LIMS1: variants seen among roughly 807,000 people sequenced by gnomAD.
The protein encoded by LIMS1 is LIM zinc finger domain containing 1.
Under a neutral mutation model 44.1 loss-of-function variants are expected in LIMS1, and 18 were observed. That is an observed-to-expected ratio of 0.41 (90% CI 0.28 to 0.61). The LOEUF is 0.61. Ranked by LOEUF, LIMS1 falls within the 20% of genes least tolerant of loss-of-function variation. LIMS1 has a pLI of 0.32. For synonymous variants in LIMS1, 93 were observed against 149.1 expected, an observed-to-expected ratio of 0.62 and a Z score of 2.74; for missense variants, 201 against 422.0, an observed-to-expected ratio of 0.48 and a Z score of 4.59.
At chr2:108,573,397 T>C (rs562786984) in intron 1 of LIMS1, among the ~76,000 whole-genome samples, 2 of 152,230 alleles carry the variant, frequency 1.3e-5, no homozygotes, top group East Asian at 1.9e-4. Flanking sequence ...TAGCCAGTTA[T>C]TTTGGCGTAA....
chr2:108,650,113 G>A (rs1240626195), intron 1 of LIMS1, among the ~76,000 whole-genome samples: 2 of 152,142 alleles, frequency 1.3e-5, no homozygotes, highest in Non-Finnish European at 2.9e-5. Context: ...TCAAACAACA[G>A]CCTCCCACCC....
chr2:108,643,196 G>A (rs1423776530), intron 1 of LIMS1, among the ~76,000 whole-genome samples: 19 of 152,200 alleles, frequency 1.2e-4, no homozygotes, highest in Admixed American at 1.2e-3. Flanking sequence ...GAAACGCCCT[G>A]GATTTGTTGG....
chr2:108,645,337 T>A (rs909442170), intron 1 of LIMS1, among the ~76,000 whole-genome samples: 1 of 152,162 alleles, frequency 6.6e-6, no homozygotes, highest in Non-Finnish European at 1.5e-5. Flanking sequence ...GGGGCCAATA[T>A]TCAAAATTCT....
Position 108,683,539 on chromosome 2 carries a change from CAAAAAA to C in LIMS1, c.900-331_900-326del, listed in dbSNP as rs35864001. ...TGAGTGACAGTCGAGGCTCTGTTTC[CAAAAAA>C]AAAAAAAAAAAAAAGTGATTGACTG... On this transcript the variant is annotated intron_variant, in intron 9 of 9. Coordinates refer to ENST00000544547, the Ensembl canonical transcript of LIMS1. Among the ~76,000 whole-genome samples, 32 of 105,944 alleles carry C rather than the reference CAAAAAA, an allele frequency of 3.0e-4. No homozygotes were observed. In the South Asian group the frequency reaches 5.0e-3, roughly 17 times the overall value. The allele number at this position is 105,944 out of a possible 152,430, so 69.5% of individuals were successfully genotyped here.
At chr2:108,610,673 A>G (rs1443316490) in intron 1 of LIMS1, among the ~76,000 whole-genome samples, 1 of 152,106 alleles carries the variant, frequency 6.6e-6, no homozygotes, top group Non-Finnish European at 1.5e-5. Flanking sequence ...GTAGCATTCT[A>G]CATTTGTTTT....
intron 1 of LIMS1, among the ~76,000 whole-genome samples, chr2:108,562,340 A>G (rs753728257): frequency 1.3e-5 from 2 of 152,238 alleles, no homozygotes; most frequent in Non-Finnish European, 2.9e-5. Flanking sequence ...TTAGTGAGGA[A>G]GGCATGTTGA....
chr2:108,647,763 G>A (rs1056699886), intron 1 of LIMS1, among the ~76,000 whole-genome samples: 4 of 152,094 alleles, frequency 2.6e-5, no homozygotes, highest in African/African-American at 9.7e-5. Context: ...AAATTCAACA[G>A]TGCTTCATAC....
At chr2:108,678,360 CT>C (rs1692715669) in intron 8 of LIMS1, 1 of 395,468 alleles carries the variant, frequency 2.5e-6, no homozygotes, top group Non-Finnish European at 4.5e-6. Context: ...GTTTAATCTG[CT>C]ATCGTAGTTA....
intron 1 of LIMS1, among the ~76,000 whole-genome samples, chr2:108,642,381 A>T (rs1689751821): frequency 1.0e-5 from 1 of 96,738 alleles, no homozygotes; most frequent in Non-Finnish European, 1.9e-5. Context: ...TTTTTTTGAG[A>T]CGGAGTCTCG....
intron 2 of LIMS1, chr2:108,662,658 A>T: frequency 1.1e-6 from 1 of 949,462 alleles, no homozygotes; most frequent in South Asian, 3.2e-5. Flanking sequence ...AAGACTGCTA[A>T]CAAATAATCT....
Position 108,670,735 on chromosome 2 carries a change from C to T in LIMS1, c.193-46C>T, listed in dbSNP as rs541937340. ...TCTTCATCAAATAATTATATTTCTCCTGTGATTGTTTCGTGTTTGTAAGTT... is the reference window on the plus strand; with the variant it reads ...TCTTCATCAAATAATTATATTTCTCTTGTGATTGTTTCGTGTTTGTAAGTT... On this transcript the variant is annotated intron_variant, in intron 2 of 9. Transcript: ENST00000544547. 1.3e-3 allele frequency: 2,109 copies of T among 1,611,438 alleles called. 27 individuals are homozygous for T. The African/African-American group carries it at 0.025, about 19-fold the overall frequency.
intron 2 of LIMS1, among the ~76,000 whole-genome samples, chr2:108,665,649 C>T (rs917047438): frequency 2.0e-5 from 3 of 152,112 alleles, no homozygotes; most frequent in Non-Finnish European, 4.4e-5. Context: ...GCCTCAGCCT[C>T]CTCAGTAGCT....
chr2:108,654,657 A>G (rs1357883192), intron 1 of LIMS1, among the ~76,000 whole-genome samples: 4 of 152,082 alleles, frequency 2.6e-5, no homozygotes, highest in Non-Finnish European at 4.4e-5. Flanking sequence ...AAAGCCTCTT[A>G]TGCCCTCCAG....
chr2:108,675,068 A>G (rs1692438570), intron 5 of LIMS1, among the ~76,000 whole-genome samples: 1 of 152,138 alleles, frequency 6.6e-6, no homozygotes. Context: ...ACTATTTTCA[A>G]CAGCTTGTGA....
intron 1 of LIMS1, among the ~76,000 whole-genome samples, chr2:108,544,711 T>C (rs1241716130): frequency 6.6e-6 from 1 of 152,090 alleles, no homozygotes; most frequent in African/African-American, 2.4e-5. Context: ...GCCAGGCTGG[T>C]CTCAAACTCT....
chr2:108,552,492 CATATA>C (rs965464211), intron 1 of LIMS1, among the ~76,000 whole-genome samples: 3 of 144,136 alleles, frequency 2.1e-5, no homozygotes, highest in Non-Finnish European at 3.0e-5. Context: ...ATTACAGTTA[CATATA>C]ATATATAAAT....
chr2:108,602,903 G>C (rs974085401), intron 1 of LIMS1, among the ~76,000 whole-genome samples: 8 of 152,114 alleles, frequency 5.3e-5, no homozygotes, highest in Admixed American at 4.6e-4. Context: ...GCAGCTGGGA[G>C]TATAGGCATG....
At chr2:108,603,720 T>C (rs538990014) in intron 1 of LIMS1, among the ~76,000 whole-genome samples, 14 of 152,188 alleles carry the variant, frequency 9.2e-5, no homozygotes, top group African/African-American at 3.4e-4. Flanking sequence ...CCCAAAGTAC[T>C]GTGAGCCACC....
At chr2:108,587,290 T>TTGTGTG (rs58815332) in intron 1 of LIMS1, among the ~76,000 whole-genome samples, 2,545 of 105,854 alleles carry the variant, frequency 0.024, 61 homozygotes, top group African/African-American at 0.042. Context: ...TTCTTGGGGT[T>TTGTGTG]TGTGTGTGTG....
Sources: allele counts gnomAD v4.1 joint callset (sites outside exome capture counted in the v4.1 genomes callset), GRCh38; gene constraint gnomAD v4.1.1; transcripts MANE v1.5; gene names NCBI Gene and HGNC (gene_info 2026-07-23, HGNC 2026-07-21).